The following TECTA variants were observed in gnomAD, a reference collection of about 807,000 sequenced individuals.
The protein encoded by TECTA is tectorin alpha, also known as alpha-tectorin.
In TECTA, 128 loss-of-function variants were observed where a neutral mutation model predicts 216.8. The observed-to-expected ratio is 0.59, with a 90% CI of 0.51 to 0.68. TECTA has a LOEUF of 0.68. TECTA is among the 30% of genes least tolerant of loss of function. The probability of loss-of-function intolerance (pLI) is 0.00; values close to 1 mark genes in which losing one functional copy is unlikely to be tolerated. For missense variants in TECTA, 2,551 were observed against 2,786.2 expected (o/e 0.92, Z 1.90); for synonymous variants, 1,089 against 1,117.1 (o/e 0.97, Z 0.50).
chr11:121,170,690 T>C (rs753850016), intron 20 of TECTA, among the ~76,000 whole-genome samples: 1 of 152,136 alleles, frequency 6.6e-6, no homozygotes, highest in Non-Finnish European at 1.5e-5. Context: ...ATGTTGAGAA[T>C]TGTTTTTTCA....
At position 121,145,848 on chromosome 11, in the gene TECTA, G is replaced by A. The variant is rs201418505; in HGVS notation, c.3837G>A (p.Val1279=). Residue 1279 remains valine (V), a synonymous_variant, in exon 12 of 24, where the codon GTG becomes GTA. Coordinates refer to ENST00000392793, the MANE Select transcript of TECTA (RefSeq NM_005422.4). ...TGAAGAGGGACACCTTCTGCCAGGTGGGCTGTGGGGACCGCTGTCCGTCCT... is the reference window on the plus strand; with the variant it reads ...TGAAGAGGGACACCTTCTGCCAGGTAGGCTGTGGGGACCGCTGTCCGTCCT... ...SWVKRDTFCQ[V]GCGDRCPSCA... The A allele has an allele frequency of 6.2e-7, 1 of 1,614,234 alleles. No individual in the cohort carries two copies. Among genetic ancestry groups the A allele is most frequent in the Admixed American group, 1.7e-5 (1 of 60,024 alleles).
chr11:121,182,185 C>G (rs898075142), intron 20 of TECTA, among the ~76,000 whole-genome samples: 1 of 152,110 alleles, frequency 6.6e-6, no homozygotes, highest in Non-Finnish European at 1.5e-5. Context: ...GGTAGAAGGT[C>G]TGGGTGGGCC....
Position 121,128,077 on chromosome 11 carries a change from C to G in TECTA, c.2100C>G (p.Asp700Glu). The change falls in exon 9 of 24, where the codon GAC becomes GAG. Residue 700 changes from aspartate (D) to glutamate (E), a missense_variant. Transcript: ENST00000392793. ...GCGGGGAGGTGTGCGCCGTGGAGGA[C>G]GGCTACCAGGGCTGCTTCCCCAAGC... Reference protein sequence around the residue: ...CGSGEVCAVEDGYQGCFPKRE... With the variant: ...CGSGEVCAVEEGYQGCFPKRE... 6.2e-7 allele frequency: 1 copy of G among 1,612,672 alleles called. No individual in the cohort carries two copies. Among genetic ancestry groups the G allele is most frequent in the Non-Finnish European group, 8.5e-7 (1 of 1,179,520 alleles).
chr11:121,145,754 C>T lies in TECTA; in HGVS notation c.3743C>T (p.Pro1248Leu), dbSNP rs138768918. The change falls in exon 12 of 24, where the codon CCT becomes CTT. Residue 1248 changes from proline to leucine, a missense_variant. By Grantham distance (98) the Pro-to-Leu change is moderately conservative (BLOSUM62 -3). Coordinates refer to ENST00000392793, the MANE Select transcript of TECTA (RefSeq NM_005422.4). ...YGLCGRYNGN[P>L]DDDLEMPMGL... ...CTGTGTGGCCGCTACAACGGCAACC[C>T]TGATGATGACCTGGAGATGCCCATG... 3.2e-4 allele frequency: 518 copies of T among 1,614,170 alleles called. 1 individual carries two copies. Among genetic ancestry groups the T allele is most frequent in the Admixed American group, 4.3e-4 (26 of 60,030 alleles).
intron 3 of TECTA, among the ~76,000 whole-genome samples, chr11:121,106,756 A>G (rs964678121): frequency 2.0e-5 from 3 of 152,154 alleles, no homozygotes; most frequent in Admixed American, 1.3e-4. Flanking sequence ...CTCTTCCCCA[A>G]CTTTTGATTT....
chr11:121,145,841 G>T lies in TECTA; in HGVS notation c.3830G>T (p.Cys1277Phe), dbSNP rs1368800726. 1 of 1,614,238 alleles carries T rather than the reference G, an allele frequency of 6.2e-7. No individual in the cohort carries two copies. The highest frequency in any genetic ancestry group is 8.5e-7 in the Non-Finnish European group (1 of 1,180,042). The change falls in exon 12 of 24, where the codon TGC becomes TTC. Residue 1277 changes from cysteine to phenylalanine, a missense_variant. Coordinates refer to ENST00000392793, the MANE Select transcript of TECTA (RefSeq NM_005422.4). Reference protein sequence around the residue: ...GQSWVKRDTFCQVGCGDRCPS... With the variant: ...GQSWVKRDTFFQVGCGDRCPS... ...AGCTGGGTGAAGAGGGACACCTTCTGCCAGGTGGGCTGTGGGGACCGCTGT... is the reference window on the plus strand; with the variant it reads ...AGCTGGGTGAAGAGGGACACCTTCTTCCAGGTGGGCTGTGGGGACCGCTGT...
chr11:121,132,256 C>T (rs1206214324), intron 10 of TECTA, among the ~76,000 whole-genome samples: 1 of 152,200 alleles, frequency 6.6e-6, no homozygotes, highest in Non-Finnish European at 1.5e-5. Context: ...TGGATTCCTA[C>T]TTAACCGATT....
chr11:121,131,464 G>T (rs1289347976), intron 10 of TECTA, among the ~76,000 whole-genome samples: 3 of 152,102 alleles, frequency 2.0e-5, no homozygotes, highest in African/African-American at 7.2e-5. Flanking sequence ...CTGTCATTAT[G>T]CCTGTTTGTA....
At chr11:121,186,045 A>T (rs1947282097) in intron 20 of TECTA, among the ~76,000 whole-genome samples, 1 of 103,748 alleles carries the variant, frequency 9.6e-6, no homozygotes, top group African/African-American at 5.5e-5. Flanking sequence ...GGGAAAGCAG[A>T]TGTTCAGTGC....
chr11:121,128,024 G>T lies in TECTA; in HGVS notation c.2047G>T (p.Val683Phe). The change falls in exon 9 of 24, where the codon GTC becomes TTC. Residue 683 changes from valine (V) to phenylalanine (F), a missense_variant. Coordinates refer to ENST00000392793, the MANE Select transcript of TECTA (RefSeq NM_005422.4). ...VQCLCEEGGD[V>F]YCFNKTCGSG... Reference sequence around the variant, plus strand: ...ATGCCTGTGCGAGGAGGGCGGGGACGTCTACTGCTTCAACAAGACCTGCGG... The same window carrying T: ...ATGCCTGTGCGAGGAGGGCGGGGACTTCTACTGCTTCAACAAGACCTGCGG... 6 of 1,613,420 alleles carry T rather than the reference G, an allele frequency of 3.7e-6. No individual in the cohort carries two copies. The highest frequency in any genetic ancestry group is 5.1e-6 in the Non-Finnish European group (6 of 1,179,836).
chr11:121,165,715 A>G (rs1318047590), intron 17 of TECTA, among the ~76,000 whole-genome samples: 3 of 152,228 alleles, frequency 2.0e-5, no homozygotes, highest in Non-Finnish European at 4.4e-5. Context: ...GACGAATGTT[A>G]TTTAAAGCCA....
intron 9 of TECTA, among the ~76,000 whole-genome samples, chr11:121,129,058 A>G (rs1031246331): frequency 6.6e-6 from 1 of 152,242 alleles, no homozygotes; most frequent in African/African-American, 2.4e-5. Context: ...AGTTTGGAAA[A>G]CAAAAGCCAA....
At position 121,191,048 on chromosome 11, in the gene TECTA, A is replaced by G; in HGVS notation, c.*242A>G. The G allele has an allele frequency of 2.4e-6, 1 of 417,820 alleles. No individual in the cohort carries two copies. Among genetic ancestry groups the G allele is most frequent in the East Asian group, 5.2e-5 (1 of 19,304 alleles). 25.9% of individuals were successfully genotyped at this position (417,820 alleles called of 1,614,324 possible). ...GTATCTCTCTTGTGTAAAATTCCCA[A>G]ACAGTTGTCACTAGAGACTTTGGTT... is the stretch of plus-strand genomic sequence containing the variant. On this transcript the variant is annotated 3_prime_UTR_variant, in exon 24 of 24. Coordinates refer to ENST00000392793, the MANE Select transcript of TECTA (RefSeq NM_005422.4).
At chr11:121,146,224 T>A in intron 12 of TECTA, 108 bp downstream of exon 12, 1 of 1,335,844 alleles carries the variant, frequency 7.5e-7, no homozygotes, top group Non-Finnish European at 1.0e-6. Context: ...AGTAGCAATT[T>A]AAGGATATGC....
At chr11:121,114,162 C>G (rs1211814377) in intron 6 of TECTA, among the ~76,000 whole-genome samples, 1 of 152,054 alleles carries the variant, frequency 6.6e-6, no homozygotes, top group African/African-American at 2.4e-5. Flanking sequence ...TGGAGTATTG[C>G]CAAGTTCCTA....
chr11:121,170,567 T>G (rs978520792), intron 20 of TECTA, among the ~76,000 whole-genome samples: 17 of 152,154 alleles, frequency 1.1e-4, no homozygotes, highest in African/African-American at 3.6e-4. Context: ...TTCCCCTTTC[T>G]CCATATCCTC....
At chr11:121,176,883 CT>C (rs1398379117) in intron 20 of TECTA, among the ~76,000 whole-genome samples, 8 of 152,100 alleles carry the variant, frequency 5.3e-5, no homozygotes, top group Non-Finnish European at 2.9e-5. Flanking sequence ...TCTTTTTCTT[CT>C]TTTTTCTCTA....
intron 10 of TECTA, among the ~76,000 whole-genome samples, chr11:121,136,795 G>T (rs1946731280): frequency 6.6e-6 from 1 of 151,956 alleles, no homozygotes; most frequent in South Asian, 2.1e-4. Flanking sequence ...TCTCACTCTG[G>T]CACTTACTAG....
In TECTA at chr11:121,113,842, G is replaced by GCC; in HGVS notation, c.790+124_790+125insCC. The GCC allele has an allele frequency of 8.7e-7, 1 of 1,153,846 alleles. No individual in the cohort carries two copies. The highest frequency in any genetic ancestry group is 1.3e-6 in the Non-Finnish European group (1 of 792,114). 71.5% of individuals were successfully genotyped at this position (1,153,846 alleles called of 1,614,324 possible). On this transcript the variant is annotated intron_variant, in intron 6 of 23. Transcript: ENST00000392793. This position sits in a 1 kb window ranked among gnomAD's most constrained non-coding sequence, Gnocchi z 4.2. The stretch of plus-strand genomic sequence containing the variant: ...TACTCTTTTGACATCTCTCCGCTGG[G>GCC]TAATGGAGATCAAGGTAATTTTAGC...
Sources: allele counts gnomAD v4.1 joint callset (sites outside exome capture counted in the v4.1 genomes callset), GRCh38; gene constraint gnomAD v4.1.1; non-coding constraint Gnocchi (gnomAD v3.1); transcripts MANE v1.5; gene names NCBI Gene and HGNC (gene_info 2026-07-23, HGNC 2026-07-21).